Variants in ENPP3 observed in about 807,000 individuals in gnomAD.
ENPP3 encodes ectonucleotide pyrophosphatase/phosphodiesterase 3, also known as ectonucleotide pyrophosphatase/phosphodiesterase family member 3.
ENPP3 carries 104 observed loss-of-function variants against 117.8 expected under a neutral mutation model. The observed-to-expected ratio is 0.88, with a 90% confidence interval of 0.75 to 1.04. The LOEUF (loss-of-function observed/expected upper bound fraction) is 1.04, where lower values mean the gene tolerates loss of function less well. Ranked by LOEUF, ENPP3 falls within the 50% of genes least tolerant of loss-of-function variation. The pLI, the probability that ENPP3 is intolerant of heterozygous loss-of-function variation, is 0.00. For missense variants in ENPP3, 1,026 were observed against 1,051.9 expected (o/e 0.98, Z 0.34); for synonymous variants, 380 against 349.9 (o/e 1.09, Z -0.96).
intron 6 of ENPP3, among the ~76,000 whole-genome samples, chr6:131,660,559 T>C (rs918726608): frequency 3.3e-5 from 5 of 152,192 alleles, no homozygotes; most frequent in African/African-American, 7.2e-5. Flanking sequence ...AAAAGTTAGA[T>C]GGGAATCTGT....
At chr6:131,673,508 T>G (rs1419730847) in intron 7 of ENPP3, among the ~76,000 whole-genome samples, 1 of 152,022 alleles carries the variant, frequency 6.6e-6, no homozygotes, top group Non-Finnish European at 1.5e-5. Context: ...CAACAGACAC[T>G]GGGGTCTGCT....
chr6:131,694,021 A>C (rs1172252363), intron 15 of ENPP3, among the ~76,000 whole-genome samples: 2 of 152,238 alleles, frequency 1.3e-5, no homozygotes, highest in African/African-American at 2.4e-5. Flanking sequence ...AAAAGAGCAC[A>C]TATAGGGCTG....
chr6:131,690,673 G>A (rs1779257179), intron 14 of ENPP3, among the ~76,000 whole-genome samples: 1 of 151,996 alleles, frequency 6.6e-6, no homozygotes, highest in Admixed American at 6.6e-5. Flanking sequence ...GACGATAAAC[G>A]CTGAGCAAAG....
intron 14 of ENPP3, among the ~76,000 whole-genome samples, chr6:131,691,972 A>G (rs75775796): frequency 0.019 from 2,907 of 152,284 alleles, 93 homozygotes; most frequent in African/African-American, 0.066. Flanking sequence ...TGCAATATAT[A>G]CTTTTGTTTT....
chr6:131,728,485 T>A (rs544974895), intron 20 of ENPP3, among the ~76,000 whole-genome samples: 188 of 152,316 alleles, frequency 1.2e-3, no homozygotes, highest in African/African-American at 4.3e-3. Context: ...CTTTCACTGA[T>A]CCCACAGAAG....
chr6:131,641,844 C>G (rs924746415), intron 2 of ENPP3, among the ~76,000 whole-genome samples: 4 of 86,738 alleles, frequency 4.6e-5, no homozygotes, highest in African/African-American at 1.8e-4. Context: ...CACTCTGTCT[C>G]TCAGGCTGGA....
At chr6:131,677,752 G>GT in intron 10 of ENPP3, 116 bp from the exon 11 acceptor site, 1 of 659,442 alleles carries the variant, frequency 1.5e-6, no homozygotes, top group Non-Finnish European at 2.7e-6. Context: ...GGAGGAGGAG[G>GT]TTAGAGAGAA....
intron 15 of ENPP3, among the ~76,000 whole-genome samples, chr6:131,696,076 G>A (rs1779398810): frequency 6.6e-6 from 1 of 152,142 alleles, no homozygotes; most frequent in African/African-American, 2.4e-5. Context: ...TACAATTAAA[G>A]CAAATTTCAA....
rs370579789 is a variant in ENPP3, at chr6:131,641,449, C to T, written c.79-6C>T. ...TATAAAAGTTACTTTTTCCTTTTTG[C>T]AATAGGTTCTTCTTGCTTTGCTGGT... On this transcript the variant is annotated splice_polypyrimidine_tract_variant and splice_region_variant and intron_variant, in intron 1 of 24. Transcript: ENST00000357639. The T allele has an allele frequency of 9.4e-6, 15 of 1,598,864 alleles. No homozygotes were observed. The highest frequency in any genetic ancestry group is 1.7e-5 in the Admixed American group (1 of 59,572).
intron 19 of ENPP3, among the ~76,000 whole-genome samples, chr6:131,724,811 G>A (rs1780117671): frequency 6.6e-6 from 1 of 152,120 alleles, no homozygotes; most frequent in Non-Finnish European, 1.5e-5. Context: ...TTTTTAAGAA[G>A]CATGCAAGTA....
intron 15 of ENPP3, among the ~76,000 whole-genome samples, chr6:131,701,780 G>A (rs1779537547): frequency 6.6e-6 from 1 of 151,032 alleles, no homozygotes; most frequent in South Asian, 2.1e-4. Context: ...TACTCGGGAG[G>A]CTGAGGCAGG....
At chr6:131,654,404 A>G (rs2114324172) in intron 5 of ENPP3, among the ~76,000 whole-genome samples, 1 of 152,082 alleles carries the variant, frequency 6.6e-6, no homozygotes, top group South Asian at 2.1e-4. Flanking sequence ...GCTTCCCAAA[A>G]TGGTGGGATA....
At position 131,678,398 on chromosome 6, in the gene ENPP3, TCC is replaced by T. The variant is rs528046159; in HGVS notation, c.1011+460_1011+461del. Among the ~76,000 whole-genome samples the T allele has an allele frequency of 5.5e-3, 842 of 152,346 alleles. 6 individuals carry two copies. The highest frequency in any genetic ancestry group is 0.017 in the African/African-American group (714 of 41,580). On this transcript the variant is annotated intron_variant, in intron 11 of 24. Coordinates refer to ENST00000357639, the MANE Select transcript of ENPP3 (RefSeq NM_005021.5). ...TGTTATTGCCTCAGGCAGAGTTGTT[TCC>T]CTTCTAGGCTCCCATTGTCATTGAA...
intron 6 of ENPP3, among the ~76,000 whole-genome samples, chr6:131,663,839 C>T (rs376235015): frequency 2.6e-5 from 4 of 152,078 alleles, no homozygotes; most frequent in Admixed American, 2.6e-4. Context: ...TATTTATGTA[C>T]ATTACATCAT....
chr6:131,726,259 T>G, intron 20 of ENPP3, 59 bp downstream of exon 20: 3 of 1,498,788 alleles, frequency 2.0e-6, no homozygotes, highest in Non-Finnish European at 2.8e-6. Context: ...CCTTTCATAT[T>G]CTAAGAGTTG....
rs1780438811 is a variant in ENPP3 at position 131,738,064 on chromosome 6, T to TA, written c.2205dup (p.His736ThrfsTer12). 1 of 1,606,926 alleles carries TA rather than the reference T, an allele frequency of 6.2e-7. No individual in the cohort carries two copies. Among genetic ancestry groups the TA allele is most frequent in the African/African-American group, 1.3e-5 (1 of 74,740 alleles). The stretch of plus-strand genomic sequence containing the variant: ...GACTACTTCCACAGTGTTCTTCTTA[T>TA]AAAACATGCCACAGAAAGAAATGGA... On this transcript the variant is annotated frameshift_variant, in exon 23 of 25. Coordinates refer to ENST00000357639, the MANE Select transcript of ENPP3 (RefSeq NM_005021.5). LOFTEE classifies it high-confidence loss of function.
intron 15 of ENPP3, among the ~76,000 whole-genome samples, chr6:131,715,938 G>A (rs1779879288): frequency 6.6e-6 from 1 of 152,194 alleles, no homozygotes; most frequent in African/African-American, 2.4e-5. Context: ...CGCATTCTGG[G>A]TAACCCAGGC....
intron 18 of ENPP3, among the ~76,000 whole-genome samples, chr6:131,723,578 G>C (rs1780081946): frequency 1.3e-5 from 2 of 152,056 alleles, no homozygotes; most frequent in South Asian, 4.2e-4. Flanking sequence ...TTCAGAGTGT[G>C]GTCTCAGGAC....
At chr6:131,676,920 G>A (rs1778881469) in intron 10 of ENPP3, 119 bp downstream of exon 10, 2 of 647,064 alleles carry the variant, frequency 3.1e-6, no homozygotes, top group Non-Finnish European at 2.8e-6. Context: ...ACGTGGCATT[G>A]CCTTATAATG....
Sources: gnomAD v4.1 joint callset for allele counts (sites outside exome capture counted in the v4.1 genomes callset) on GRCh38, gnomAD v4.1.1 for gene constraint, MANE v1.5 for transcripts, NCBI Gene and HGNC (gene_info 2026-07-23, HGNC 2026-07-21) for gene names.